The following CNTLN variants were observed in gnomAD, a reference collection of about 807,000 sequenced individuals.
The protein encoded by CNTLN is centlein, also known as centlein, centrosomal protein.
Under a neutral mutation model 180.0 loss-of-function variants are expected in CNTLN, and 212 were observed. The ratio of observed to expected loss-of-function variants is 1.18; its 90% confidence interval spans 1.05 to 1.32. CNTLN has a LOEUF of 1.32. Ranked by LOEUF, CNTLN falls within the 40% of genes most tolerant of loss-of-function variation. CNTLN has a pLI of 0.00. For synonymous variants in CNTLN, 722 were observed against 563.1 expected (o/e 1.28, Z -3.99); for missense variants, 2,095 against 1,610.9 (o/e 1.30, Z -5.14).
chr9:17,422,949 C>T (rs12006510), intron 18 of CNTLN, among the ~76,000 whole-genome samples: 2,765 of 152,272 alleles, frequency 0.018, 82 homozygotes, highest in African/African-American at 0.063. Flanking sequence ...ACCCTAATCC[C>T]GGTAACACTG....
At chr9:17,138,553 G>T (rs564654774) in intron 1 of CNTLN, among the ~76,000 whole-genome samples, 32 of 152,166 alleles carry the variant, frequency 2.1e-4, no homozygotes, top group Non-Finnish European at 3.7e-4. Flanking sequence ...AAACAAATTT[G>T]AGAACTTACT....
intron 10 of CNTLN, 66 bp downstream of exon 10, chr9:17,332,796 C>G (rs566239513): frequency 1.5e-6 from 2 of 1,327,832 alleles, no homozygotes; most frequent in Non-Finnish European, 1.0e-6. Context: ...AGTAAACATA[C>G]AGTTCATAGA....
At chr9:17,149,458 TC>T (rs1339799243) in intron 2 of CNTLN, among the ~76,000 whole-genome samples, 1 of 151,676 alleles carries the variant, frequency 6.6e-6, no homozygotes. Flanking sequence ...TTTCTATTTC[TC>T]CAGATTCTCT....
the CNTLN span, among the ~76,000 whole-genome samples, chr9:17,526,862 A>G: frequency 6.7e-6 from 1 of 150,096 alleles, no homozygotes; most frequent in Non-Finnish European, 1.5e-5. Context: ...TTTTTTTTTG[A>G]GGCGGAGTCT....
Position 17,252,046 on chromosome 9 carries a change from A to G in CNTLN, c.849+15458A>G, listed in dbSNP as rs377197342. On this transcript the variant is annotated intron_variant, in intron 5 of 25. Transcript: ENST00000380647. The stretch of plus-strand genomic sequence containing the variant: ...AATGACCTTCAGTTCCATCCATGCT[A>G]CTTCAAATGGTATGATTTCATTCTT... Among the ~76,000 whole-genome samples, 78 of 151,922 alleles carry G rather than the reference A, an allele frequency of 5.1e-4. 3 individuals are homozygous for G. The South Asian group carries it at 0.016, about 30-fold the overall frequency.
At position 17,409,489 on chromosome 9, in the gene CNTLN, T is replaced by G; in HGVS notation, c.2796+16T>G. 6.4e-7 allele frequency: 1 copy of G among 1,565,434 alleles called. No homozygotes were observed. The highest frequency in any genetic ancestry group is 8.6e-7 in the Non-Finnish European group (1 of 1,158,926). On this transcript the variant is annotated intron_variant, in intron 16 of 25. Transcript: ENST00000380647. ...GACCCCAAAGGTAAATGACATGATT[T>G]TGCTTAATTGTATGCTATGTTTTAA... is the stretch of plus-strand genomic sequence containing the variant.
At chr9:17,313,320 G>A (rs1383542570) in intron 8 of CNTLN, among the ~76,000 whole-genome samples, 1 of 151,910 alleles carries the variant, frequency 6.6e-6, no homozygotes, top group East Asian at 1.9e-4. Flanking sequence ...AATATGATTG[G>A]GTTTAGGTGT....
At chr9:17,511,827 T>C in the CNTLN span, among the ~76,000 whole-genome samples, 2 of 152,070 alleles carry the variant, frequency 1.3e-5, no homozygotes, top group South Asian at 4.1e-4. Context: ...ACTGGGGAAA[T>C]TGCCTTGAAG....
At chr9:17,346,267 A>G (rs1176878603) in intron 12 of CNTLN, among the ~76,000 whole-genome samples, 1 of 152,050 alleles carries the variant, frequency 6.6e-6, no homozygotes, top group African/African-American at 2.4e-5. Context: ...TCTCACTAGC[A>G]TGAGAACAGC....
intron 2 of CNTLN, among the ~76,000 whole-genome samples, chr9:17,215,855 C>T (rs113499069): frequency 2.8e-4 from 43 of 152,236 alleles, no homozygotes; most frequent in African/African-American, 5.1e-4. Flanking sequence ...CTGAGCCAGG[C>T]GCGGGGTATA....
the CNTLN span, among the ~76,000 whole-genome samples, chr9:17,520,976 A>G: frequency 6.6e-6 from 1 of 152,312 alleles, no homozygotes; most frequent in East Asian, 1.9e-4. Flanking sequence ...GGTCTGAAGC[A>G]TGAAAAATTC....
intron 25 of CNTLN, among the ~76,000 whole-genome samples, chr9:17,499,550 A>C (rs1026230091): frequency 3.3e-5 from 5 of 152,206 alleles, no homozygotes; most frequent in Non-Finnish European, 7.4e-5. Flanking sequence ...TCATTATTTG[A>C]ATACATATTG....
intron 25 of CNTLN, among the ~76,000 whole-genome samples, chr9:17,500,892 G>T (rs761389194): frequency 3.9e-5 from 6 of 152,090 alleles, no homozygotes; most frequent in Non-Finnish European, 8.8e-5. Context: ...ATTTTTATTT[G>T]TAAAACTGGC....
intron 2 of CNTLN, among the ~76,000 whole-genome samples, chr9:17,191,907 C>A (rs1048323465): frequency 1.3e-5 from 2 of 152,120 alleles, no homozygotes; most frequent in African/African-American, 4.8e-5. Flanking sequence ...GTCTTGGCAT[C>A]AATTATTGTC....
At chr9:17,317,754 AC>A (rs1192496001) in intron 8 of CNTLN, among the ~76,000 whole-genome samples, 1 of 152,184 alleles carries the variant, frequency 6.6e-6, no homozygotes, top group African/African-American at 2.4e-5. Flanking sequence ...AACAGAGAGA[AC>A]AAATGCAAAG....
chr9:17,368,507 G>A (rs1159977642), intron 13 of CNTLN, among the ~76,000 whole-genome samples: 1 of 152,184 alleles, frequency 6.6e-6, no homozygotes, highest in South Asian at 2.1e-4. Context: ...AAACATAGGT[G>A]GAAGCCAGAT....
intron 2 of CNTLN, among the ~76,000 whole-genome samples, chr9:17,182,303 G>T (rs1821173621): frequency 6.6e-6 from 1 of 152,064 alleles, no homozygotes. Flanking sequence ...TCTGTACTTA[G>T]TGGTGTTTCT....
intron 5 of CNTLN, among the ~76,000 whole-genome samples, chr9:17,238,663 A>G (rs774004688): frequency 6.6e-6 from 1 of 152,076 alleles, no homozygotes; most frequent in Non-Finnish European, 1.5e-5. Flanking sequence ...TTCATTTCCA[A>G]CATCTTCTGT....
intron 24 of CNTLN, 137 bp downstream of exon 24, chr9:17,484,617 T>A (rs1832810087): frequency 4.6e-6 from 3 of 659,184 alleles, no homozygotes; most frequent in East Asian, 6.5e-5. Flanking sequence ...AAAGTGCCAA[T>A]GAAAGATACA....
Sources: allele counts gnomAD v4.1 joint callset (sites outside exome capture counted in the v4.1 genomes callset), GRCh38; gene constraint gnomAD v4.1.1; transcripts MANE v1.5; gene names NCBI Gene and HGNC (gene_info 2026-07-23, HGNC 2026-07-21).